Variants in SPTAN1 observed in about 807,000 individuals in gnomAD.
SPTAN1 encodes the protein spectrin alpha, non-erythrocytic 1, also known as spectrin alpha chain, non-erythrocytic 1.
Under a neutral mutation model 331.3 loss-of-function variants are expected in SPTAN1, and 61 were observed. That is an observed-to-expected ratio of 0.18 (90% confidence interval 0.15 to 0.23). The LOEUF is 0.23. Among genes scored for constraint, SPTAN1 ranks in the 10% least tolerant of loss-of-function variants. SPTAN1 has a pLI of 1.00. For missense variants in SPTAN1, 2,043 were observed against 3,147.9 expected (o/e 0.65, Z 8.40); for synonymous variants, 1,153 against 1,173.9 (o/e 0.98, Z 0.36).
chr9:128,554,832 T>C (rs1187364127), intron 1 of SPTAN1, among the ~76,000 whole-genome samples: 1 of 152,242 alleles, frequency 6.6e-6, no homozygotes, highest in Non-Finnish European at 1.5e-5. Context: ...TCCACCTTTT[T>C]TGCATATTCC....
intron 26 of SPTAN1, 45 bp from the exon 27 acceptor site, chr9:128,600,035 C>T (rs750772716): frequency 4.3e-6 from 7 of 1,610,732 alleles, no homozygotes; most frequent in Non-Finnish European, 5.9e-6. Flanking sequence ...TGCTTTGTTT[C>T]ATGGTCAATT....
chr9:128,616,961 G>A (rs929273406), intron 41 of SPTAN1, among the ~76,000 whole-genome samples: 1 of 151,958 alleles, frequency 6.6e-6, no homozygotes, highest in Non-Finnish European at 1.5e-5. Context: ...TATATAGCTG[G>A]GTGTGGTGGC....
At chr9:128,610,897 G>T (rs1856488739) in intron 37 of SPTAN1, among the ~76,000 whole-genome samples, 1 of 152,156 alleles carries the variant, frequency 6.6e-6, no homozygotes, top group Non-Finnish European at 1.5e-5. Context: ...TTTCTCCTCT[G>T]TCAACAGAGG....
rs749923214 is a variant in SPTAN1, at chr9:128,604,433, T to C, written c.3719+16T>C. ...GGTTCCACAGGTGAGGGGTCAGCCC[T>C]GGGCTGGGAGAGGGAGAAACAGGTG... is the stretch of plus-strand genomic sequence containing the variant. On this transcript the variant is annotated intron_variant, in intron 29 of 56. Transcript: ENST00000372739. 5 of 1,608,758 alleles carry C rather than the reference T, an allele frequency of 3.1e-6. No individual in the cohort carries two copies. The Admixed American group carries it at 6.8e-5, about 22-fold the overall frequency.
intron 1 of SPTAN1, among the ~76,000 whole-genome samples, chr9:128,562,227 C>T (rs190341376): frequency 1.6e-4 from 25 of 152,248 alleles, no homozygotes; most frequent in African/African-American, 4.6e-4. Context: ...CTCAGCCTCC[C>T]GAGTAGCTGG....
chr9:128,579,015 A>C (rs1450471352), intron 9 of SPTAN1, among the ~76,000 whole-genome samples: 2 of 152,192 alleles, frequency 1.3e-5, no homozygotes, highest in Admixed American at 6.5e-5. Flanking sequence ...AGTGTAAGAC[A>C]CTTCTGGAGA....
In SPTAN1 at chr9:128,582,497, A is replaced by G. The variant is rs760984212; in HGVS notation, c.1591A>G (p.Thr531Ala). ...EKITALDEFATKLIQNNHYAM... is the reference protein window; with the variant it reads ...EKITALDEFAAKLIQNNHYAM... ...TTCCTAGGCATTAGATGAATTTGCA[A>G]CCAAGCTAATTCAGAACAACCACTA... Residue 531 changes from threonine (T) to alanine (A), a missense_variant, in exon 13 of 57, where the codon ACC becomes GCC. This residue lies in a region of SPTAN1 where 1,038 missense variants were observed against 1,531.5 expected (regional missense o/e 0.68). Transcript: ENST00000372739. 2 of 1,614,208 alleles carry G rather than the reference A, an allele frequency of 1.2e-6. No homozygotes were observed. The highest frequency in any genetic ancestry group is 2.2e-5 in the East Asian group (1 of 44,882).
In SPTAN1 at chr9:128,633,231, A is replaced by C; in HGVS notation, c.7331A>C (p.Asp2444Ala). ...LYQNLTREQA[D>A]YCVSHMKPYV... ...CAGAACCTGACCCGGGAACAAGCCGACTACTGCGTCTCCCACATGAAGCCC... is the reference window on the plus strand; with the variant it reads ...CAGAACCTGACCCGGGAACAAGCCGCCTACTGCGTCTCCCACATGAAGCCC... The change falls in exon 57 of 57, where the codon GAC (aspartate) becomes GCC (alanine). Residue 2444 changes from aspartate (D) to alanine (A), a missense_variant. This residue lies in a region of SPTAN1 where 88 missense variants were observed against 96.5 expected (regional missense o/e 0.91). Coordinates refer to ENST00000372739, the MANE Select transcript of SPTAN1 (RefSeq NM_001130438.3). 6.2e-7 allele frequency: 1 copy of C among 1,614,038 alleles called. No individual in the cohort carries two copies. Among genetic ancestry groups the C allele is most frequent in the Non-Finnish European group, 8.5e-7 (1 of 1,180,022 alleles).
intron 28 of SPTAN1, 42 bp from the exon 29 acceptor site, chr9:128,604,284 G>A: frequency 6.3e-7 from 1 of 1,593,312 alleles, no homozygotes. Flanking sequence ...GGGCATGACA[G>A]GAGAGGGAGT....
intron 3 of SPTAN1, among the ~76,000 whole-genome samples, chr9:128,574,338 A>G (rs1031451716): frequency 4.0e-5 from 6 of 148,332 alleles, no homozygotes; most frequent in African/African-American, 1.5e-4. Context: ...CAATATAAAT[A>G]TATCATAAAT....
intron 24 of SPTAN1, among the ~76,000 whole-genome samples, chr9:128,594,827 T>A (rs1854036383): frequency 8.1e-6 from 1 of 123,108 alleles, no homozygotes; most frequent in African/African-American, 3.2e-5. Flanking sequence ...TTTTTTTCAA[T>A]TTTTTTTTTT....
chr9:128,564,060 GC>G (rs1849720815), intron 1 of SPTAN1, among the ~76,000 whole-genome samples: 2 of 152,166 alleles, frequency 1.3e-5, no homozygotes, highest in South Asian at 4.1e-4. Context: ...GATCATTTGA[GC>G]CCAGGAGTTC....
chr9:128,555,538 C>A, intron 1 of SPTAN1: 4 of 509,516 alleles, frequency 7.9e-6, no homozygotes, highest in Admixed American at 3.7e-5. Flanking sequence ...TTCTGTTAAA[C>A]AAATTGGTTA....
chr9:128,578,020 T>G, intron 8 of SPTAN1, 90 bp from the exon 9 acceptor site: 5 of 1,403,996 alleles, frequency 3.6e-6, no homozygotes, highest in Non-Finnish European at 5.0e-6. Context: ...GTTAGACATT[T>G]GAGAACATAG....
In SPTAN1 at chr9:128,627,292, G is replaced by A; in HGVS notation, c.6577-94G>A. 8.9e-7 allele frequency: 1 copy of A among 1,126,734 alleles called. No individual in the cohort carries two copies. The highest frequency in any genetic ancestry group is 1.3e-6 in the Non-Finnish European group (1 of 770,806). 69.8% of individuals were successfully genotyped at this position (1,126,734 alleles called of 1,614,324 possible). ...TCTCATCTTTGGGGAGGTTCCTTGT[G>A]GGGAGGCCACCACCACCCTGAGCCC... On this transcript the variant is annotated intron_variant, in intron 49 of 56. Coordinates refer to ENST00000372739, the MANE Select transcript of SPTAN1 (RefSeq NM_001130438.3). This position sits in a 1 kb window ranked among gnomAD's most constrained non-coding sequence, Gnocchi z 4.9.
At chr9:128,555,802 T>C (rs1424069883) in intron 1 of SPTAN1, among the ~76,000 whole-genome samples, 5 of 152,192 alleles carry the variant, frequency 3.3e-5, no homozygotes, top group Non-Finnish European at 1.5e-5. Context: ...GAAAATAATC[T>C]GAAAATACAT....
chr9:128,595,323 T>G (rs569153259), intron 24 of SPTAN1, among the ~76,000 whole-genome samples: 1 of 152,326 alleles, frequency 6.6e-6, no homozygotes, highest in African/African-American at 2.4e-5. Context: ...TTGGCCAGCC[T>G]GGTCTTGAAC....
chr9:128,596,934 C>T (rs1363487612), intron 24 of SPTAN1, among the ~76,000 whole-genome samples: 1 of 152,124 alleles, frequency 6.6e-6, no homozygotes, highest in East Asian at 1.9e-4. Flanking sequence ...CCGAGGCAGG[C>T]AGATCACCTA....
At chr9:128,575,635 T>C (rs1851213797) in intron 5 of SPTAN1, among the ~76,000 whole-genome samples, 1 of 152,222 alleles carries the variant, frequency 6.6e-6, no homozygotes, top group African/African-American at 2.4e-5. Flanking sequence ...TGAAGCTAGG[T>C]CTCAGGGTTT....
Sources: gnomAD v4.1 joint callset for allele counts (sites outside exome capture counted in the v4.1 genomes callset) on GRCh38, gnomAD v4.1.1 for gene constraint, gnomAD v4.1.1 regional missense constraint, Gnocchi (gnomAD v3.1) non-coding constraint, MANE v1.5 for transcripts, NCBI Gene and HGNC (gene_info 2026-07-23, HGNC 2026-07-21) for gene names.